The following DNAH8 variants were observed in gnomAD, a reference collection of about 807,000 sequenced individuals.
DNAH8 encodes the protein axonemal beta dynein heavy chain 8.
Under a neutral mutation model 562.1 loss-of-function variants are expected in DNAH8, and 382 were observed. That is an observed-to-expected ratio of 0.68 (90% CI 0.63 to 0.74). DNAH8 has a LOEUF of 0.74. DNAH8 is among the 30% of genes least tolerant of loss of function. The probability of loss-of-function intolerance (pLI) is 0.00; values close to 1 mark genes in which losing one functional copy is unlikely to be tolerated. For synonymous variants in DNAH8, 1,881 were observed against 1,919.4 expected (o/e 0.98, Z 0.52); for missense variants, 5,203 against 5,620.4 (o/e 0.93, Z 2.37).
In DNAH8 at chr6:38,791,568, G is replaced by A. The variant is rs915582078; in HGVS notation, c.2795G>A (p.Cys932Tyr). ...NQLLKKISDLCEMHIDTVLKE... is the reference protein window; with the variant it reads ...NQLLKKISDLYEMHIDTVLKE... ...TCTTCCTTGTAGATCAGTGACTTGT[G>A]TGAAATGCATATTGATACAGTTCTG... Residue 932 changes from cysteine to tyrosine, a missense_variant, in exon 21 of 93, where the codon TGT becomes TAT. By Grantham distance (194) the Cys-to-Tyr change is radical. Transcript: ENST00000327475. 7 of 1,610,294 alleles carry A rather than the reference G, an allele frequency of 4.3e-6. No homozygotes were observed. The highest frequency in any genetic ancestry group is 1.7e-4 in the Middle Eastern group (1 of 6,050).
intron 82 of DNAH8, among the ~76,000 whole-genome samples, chr6:38,957,780 A>C (rs1368828230): frequency 6.6e-6 from 1 of 151,678 alleles, no homozygotes; most frequent in Non-Finnish European, 1.5e-5. Context: ...TTCTTGAGGC[A>C]AGTGAAAATG....
intron 82 of DNAH8, among the ~76,000 whole-genome samples, chr6:38,962,580 A>T (rs889849604): frequency 6.6e-6 from 1 of 152,228 alleles, no homozygotes; most frequent in African/African-American, 2.4e-5. Context: ...GGTTAACTTT[A>T]GTAAACATAA....
intron 31 of DNAH8, among the ~76,000 whole-genome samples, chr6:38,834,321 G>A (rs1435673492): frequency 1.3e-5 from 2 of 152,198 alleles, no homozygotes; most frequent in Non-Finnish European, 2.9e-5. Context: ...CTAAATGATT[G>A]TGGTCATGGT....
chr6:39,020,129 A>T (rs1001414688), intron 91 of DNAH8, among the ~76,000 whole-genome samples: 5 of 152,184 alleles, frequency 3.3e-5, no homozygotes. Flanking sequence ...GGTTTAGCTG[A>T]TCCCAGCCTT....
chr6:38,771,340 A>G (rs966893841), intron 12 of DNAH8, among the ~76,000 whole-genome samples: 1 of 152,218 alleles, frequency 6.6e-6, no homozygotes, highest in African/African-American at 2.4e-5. Flanking sequence ...GGGATCCTTC[A>G]TACATACTTC....
At chr6:38,850,221 A>G (rs1168384551) in intron 37 of DNAH8, 30 bp from the exon 38 acceptor site, 12 of 1,601,092 alleles carry the variant, frequency 7.5e-6, no homozygotes, top group Non-Finnish European at 1.0e-5. Context: ...TCCAAATGCT[A>G]ATCTTTACTG....
At chr6:38,726,101 C>T (rs1763194049) in intron 3 of DNAH8, among the ~76,000 whole-genome samples, 1 of 152,182 alleles carries the variant, frequency 6.6e-6, no homozygotes, top group African/African-American at 2.4e-5. Context: ...AGGCTTTAGG[C>T]CTGTCCCGAG....
intron 82 of DNAH8, among the ~76,000 whole-genome samples, chr6:38,961,037 C>T (rs1476880143): frequency 6.6e-6 from 1 of 151,982 alleles, no homozygotes; most frequent in African/African-American, 2.4e-5. Flanking sequence ...TTTGTGACAA[C>T]ATGGATGAAT....
Position 38,874,042 on chromosome 6 carries a change from C to CT in DNAH8, c.7620+669dup, listed in dbSNP as rs1376929486. On this transcript the variant is annotated intron_variant, in intron 52 of 92. Coordinates refer to ENST00000327475, the MANE Select transcript of DNAH8 (RefSeq NM_001206927.2). ...TTTCTTTCCCTTTTTCTTTTCTTTTCTTTCTTTCTTTCTTTCTTTCTTTCT... is the reference window on the plus strand; with the variant it reads ...TTTCTTTCCCTTTTTCTTTTCTTTTCTTTTCTTTCTTTCTTTCTTTCTTTCT... Among the ~76,000 whole-genome samples, 186 of 26,498 alleles carry CT rather than the reference C, an allele frequency of 7.0e-3. 8 individuals are homozygous for CT. Among genetic ancestry groups the CT allele is most frequent in the African/African-American group, 0.03 (172 of 5,658 alleles). 17.4% of individuals were successfully genotyped at this position (26,498 alleles called of 152,430 possible).
intron 12 of DNAH8, among the ~76,000 whole-genome samples, chr6:38,771,623 T>A (rs1445959030): frequency 6.6e-6 from 1 of 152,228 alleles, no homozygotes; most frequent in East Asian, 1.9e-4. Context: ...TCTGGACACT[T>A]TATATAAATG....
chr6:39,030,480 C>A lies in DNAH8; in HGVS notation c.*88C>A. 1.7e-6 allele frequency: 2 copies of A among 1,181,904 alleles called. No homozygotes were observed. Among genetic ancestry groups the A allele is most frequent in the Non-Finnish European group, 2.4e-6 (2 of 837,656 alleles). The allele number at this position is 1,181,904 out of a possible 1,614,324, so 73.2% of individuals were successfully genotyped here. ...CAGTGATGTGTGTGTCTTTTCTCCC[C>A]AGTAATTCCTTAATTACTCTTTCTA... On this transcript the variant is annotated 3_prime_UTR_variant, in exon 93 of 93. Transcript: ENST00000327475.
At position 38,833,624 on chromosome 6, in the gene DNAH8, G is replaced by A. The variant is rs182644114; in HGVS notation, c.4303-955G>A. On this transcript the variant is annotated intron_variant, in intron 31 of 92. Transcript: ENST00000327475. The stretch of plus-strand genomic sequence containing the variant: ...ACAAGCCCATAATTATATAACTGGG[G>A]ACTTTCCAGCAGAATAGACCAAAGA... Among the ~76,000 whole-genome samples, 13 of 152,252 alleles carry A rather than the reference G, an allele frequency of 8.5e-5. 1 individual carries two copies. The highest frequency in any genetic ancestry group is 1.8e-4 in the Non-Finnish European group (12 of 68,008).
At chr6:38,929,688 A>G in intron 75 of DNAH8, 22 bp downstream of exon 75, 1 of 1,505,346 alleles carries the variant, frequency 6.6e-7, no homozygotes, top group Non-Finnish European at 8.8e-7. Flanking sequence ...AAAAAAAAAA[A>G]AAAAGAAAGA....
intron 3 of DNAH8, among the ~76,000 whole-genome samples, chr6:38,727,049 G>A (rs983879330): frequency 6.6e-5 from 10 of 151,732 alleles, no homozygotes; most frequent in Non-Finnish European, 1.5e-4. Context: ...GTAGAGACGG[G>A]GTTTCACCAT....
rs1417929695 is a variant in DNAH8, at chr6:38,872,680, A to AT, written c.7137dup (p.Thr2380TyrfsTer15). 3.1e-6 allele frequency: 5 copies of AT among 1,614,138 alleles called. No individual in the cohort carries two copies. The highest frequency in any genetic ancestry group is 4.2e-6 in the Non-Finnish European group (5 of 1,179,974). ...AGAAATGCGAATGAATCCAAAAGCC[A>AT]TTACTGCACCTCAGATGTTTGGCAG... On this transcript the variant is annotated frameshift_variant, in exon 50 of 93. Transcript: ENST00000327475. LOFTEE classifies it high-confidence loss of function.
At chr6:38,994,895 T>C (rs1296853410) in intron 88 of DNAH8, among the ~76,000 whole-genome samples, 1 of 152,112 alleles carries the variant, frequency 6.6e-6, no homozygotes, top group Non-Finnish European at 1.5e-5. Flanking sequence ...CCGCCAGCCT[T>C]GGCCTCCTGC....
chr6:38,796,244 T>C (rs1388941285), intron 21 of DNAH8, among the ~76,000 whole-genome samples: 1 of 152,156 alleles, frequency 6.6e-6, no homozygotes, highest in African/African-American at 2.4e-5. Flanking sequence ...CCTTTCACGG[T>C]ACCAGCATCA....
intron 82 of DNAH8, among the ~76,000 whole-genome samples, chr6:38,963,683 T>A (rs1762784559): frequency 2.5e-5 from 1 of 40,046 alleles, no homozygotes; most frequent in Admixed American, 2.4e-4. Flanking sequence ...GTCCATTCTT[T>A]TTTTTTTTTT....
chr6:38,906,184 G>A lies in DNAH8; in HGVS notation c.9195-70G>A, dbSNP rs7750330. The A allele has an allele frequency of 0.45, 440,913 of 990,774 alleles. 102,032 individuals carry two copies. Among genetic ancestry groups the A allele is most frequent in the African/African-American group, 0.69 (42,220 of 61,166 alleles). 61.4% of individuals were successfully genotyped at this position (990,774 alleles called of 1,614,324 possible). A position where few individuals can be genotyped will look rare whatever the true frequency, so the allele number is the denominator to read the frequency against. ...GGCCTCCCAAAGTGCTGGGATTACAGGTGTGAGCCACCGCGCCCAGCCGAC... is the reference window on the plus strand; with the variant it reads ...GGCCTCCCAAAGTGCTGGGATTACAAGTGTGAGCCACCGCGCCCAGCCGAC... On this transcript the variant is annotated intron_variant, in intron 62 of 92. Transcript: ENST00000327475.
Sources: allele counts gnomAD v4.1 joint callset (sites outside exome capture counted in the v4.1 genomes callset), GRCh38; gene constraint gnomAD v4.1.1; transcripts MANE v1.5; gene names NCBI Gene and HGNC (gene_info 2026-07-23, HGNC 2026-07-21).